The following TET1 variants were observed in gnomAD, a reference collection of about 807,000 sequenced individuals.
TET1 encodes methylcytosine dioxygenase TET1.
Under a neutral mutation model 148.7 loss-of-function variants are expected in TET1, and 13 were observed. The ratio of observed to expected loss-of-function variants is 0.09; its 90% confidence interval spans 0.06 to 0.14. The LOEUF (loss-of-function observed/expected upper bound fraction) is 0.14, where lower values mean the gene tolerates loss of function less well. TET1 is among the 10% of genes least tolerant of loss of function. TET1 has a pLI of 1.00. For missense variants in TET1, 2,182 were observed against 2,553.8 expected (o/e 0.85, Z 3.14); for synonymous variants, 907 against 937.2 (o/e 0.97, Z 0.59).
chr10:68,675,120 T>G (rs907953124), intron 8 of TET1: 1 of 441,992 alleles, frequency 2.3e-6, no homozygotes, highest in Non-Finnish European at 3.9e-6. Flanking sequence ...TTCAGACTTA[T>G]AGTAGTGGCA....
intron 6 of TET1, among the ~76,000 whole-genome samples, chr10:68,656,877 T>A (rs1270106206): frequency 1.3e-5 from 2 of 151,782 alleles, no homozygotes; most frequent in Non-Finnish European, 2.9e-5. Context: ...ATACAAAAAA[T>A]TAGCCAGACA....
intron 4 of TET1, among the ~76,000 whole-genome samples, chr10:68,647,222 G>C (rs746410495): frequency 2.0e-5 from 3 of 152,136 alleles, no homozygotes; most frequent in Non-Finnish European, 4.4e-5. Flanking sequence ...AAACAAACTT[G>C]GAAAAGGTAA....
chr10:68,622,271 TC>T (rs541060518), intron 3 of TET1, among the ~76,000 whole-genome samples: 3 of 139,034 alleles, frequency 2.2e-5, no homozygotes, highest in Non-Finnish European at 4.6e-5. Context: ...CTCTCCCTCT[TC>T]CCTCTTTGGA....
intron 2 of TET1, among the ~76,000 whole-genome samples, chr10:68,582,252 A>G (rs959423712): frequency 6.6e-6 from 1 of 152,160 alleles, no homozygotes; most frequent in African/African-American, 2.4e-5. Flanking sequence ...GGCATGCACC[A>G]CTACGCCTGG....
chr10:68,632,852 A>G (rs939320429), intron 3 of TET1: 53 of 583,276 alleles, frequency 9.1e-5, no homozygotes, highest in East Asian at 1.5e-4. Context: ...AAAAAAAAAA[A>G]GAAAGAAAAC....
At chr10:68,618,198 T>C (rs933045705) in intron 3 of TET1, among the ~76,000 whole-genome samples, 2 of 152,164 alleles carry the variant, frequency 1.3e-5, no homozygotes, top group African/African-American at 4.8e-5. Context: ...ACTCATGAAA[T>C]CTAGTTTATA....
chr10:68,566,218 CT>C (rs1229125410), intron 1 of TET1, among the ~76,000 whole-genome samples: 1 of 152,252 alleles, frequency 6.6e-6, no homozygotes, highest in East Asian at 1.9e-4. Context: ...TTTACAATGA[CT>C]AGATTATATA....
At position 68,654,065 on chromosome 10, in the gene TET1, CCACTG is replaced by C. The variant is rs1221135928; in HGVS notation, c.4461+1476_4461+1480del. Among the ~76,000 whole-genome samples, 27 of 134,400 alleles carry C rather than the reference CCACTG, an allele frequency of 2.0e-4. No individual in the cohort carries two copies. In the Admixed American group the frequency reaches 2.3e-3, roughly 12 times the overall value. The allele number at this position is 134,400 out of a possible 152,430, so 88.2% of individuals were successfully genotyped here. On this transcript the variant is annotated intron_variant, in intron 6 of 11. Transcript: ENST00000373644. ...GAGGTTGTAGTGAGCCAAGATCGGG[CCACTG>C]CACTCCAGCCTGGGCAACAAGAGCA...
At chr10:68,671,769 G>GTTTTGT (rs539861971) in intron 7 of TET1, among the ~76,000 whole-genome samples, 139 of 152,174 alleles carry the variant, frequency 9.1e-4, no homozygotes, top group Non-Finnish European at 1.6e-3. Flanking sequence ...TTCAGAAACT[G>GTTTTGT]TTTTGTTTTT....
intron 3 of TET1, among the ~76,000 whole-genome samples, chr10:68,607,773 CAT>C (rs578195881): frequency 1.4e-5 from 2 of 147,246 alleles, no homozygotes; most frequent in East Asian, 2.0e-4. Context: ...CAATGTCATT[CAT>C]ATATATATAT....
intron 2 of TET1, among the ~76,000 whole-genome samples, chr10:68,582,266 AT>A (rs1445795138): frequency 2.0e-5 from 3 of 151,910 alleles, no homozygotes; most frequent in Non-Finnish European, 2.9e-5. Flanking sequence ...CGCCTGGCTA[AT>A]TTTGTATTTT....
At chr10:68,628,437 T>C (rs915826539) in intron 3 of TET1, among the ~76,000 whole-genome samples, 45 of 152,240 alleles carry the variant, frequency 3.0e-4, no homozygotes, top group African/African-American at 9.2e-4. Flanking sequence ...ATTATCAAAG[T>C]TCATCCTTAG....
At chr10:68,661,032 T>C (rs988300935) in intron 6 of TET1, among the ~76,000 whole-genome samples, 1 of 151,148 alleles carries the variant, frequency 6.6e-6, no homozygotes, top group Non-Finnish European at 1.5e-5. Flanking sequence ...TTTTTGTTTT[T>C]GTTTTTGTTT....
At chr10:68,598,700 CTTTTT>C (rs36067164) in intron 2 of TET1, among the ~76,000 whole-genome samples, 2 of 129,900 alleles carry the variant, frequency 1.5e-5, no homozygotes, top group African/African-American at 2.9e-5. Flanking sequence ...CTTTTTCTTT[CTTTTT>C]TTTTTTTTTT....
intron 3 of TET1, among the ~76,000 whole-genome samples, chr10:68,608,852 TA>T (rs916414716): frequency 2.2e-4 from 33 of 151,990 alleles, no homozygotes; most frequent in Admixed American, 8.5e-4. Flanking sequence ...ATTTTTTAAT[TA>T]AAAAAAAATT....
chr10:68,691,476 C>A lies in TET1; in HGVS notation c.6073C>A (p.Arg2025=), dbSNP rs368275418. ...CTCGGTTTTGATTGAGTGTGCCCGG[C>A]GAGAGCTGCACGCTACCACTCCTGT... ...HGSVLIECAR[R]ELHATTPVEH... The change falls in exon 12 of 12, where the codon CGA becomes AGA. Residue 2025 remains arginine (R), a synonymous_variant. Transcript: ENST00000373644. This position sits in a 1 kb window ranked among gnomAD's most constrained non-coding sequence, Gnocchi z 4.4. 1 of 1,613,992 alleles carries A rather than the reference C, an allele frequency of 6.2e-7. No homozygotes were observed. Among genetic ancestry groups the A allele is most frequent in the Non-Finnish European group, 8.5e-7 (1 of 1,180,008 alleles).
chr10:68,599,144 A>T (rs1373933221), intron 2 of TET1, among the ~76,000 whole-genome samples: 1 of 152,258 alleles, frequency 6.6e-6, no homozygotes, highest in African/African-American at 2.4e-5. Flanking sequence ...ATTAAGGGTG[A>T]TGAAATGCAG....
intron 8 of TET1, among the ~76,000 whole-genome samples, chr10:68,675,320 G>A (rs1164647215): frequency 6.6e-6 from 1 of 152,158 alleles, no homozygotes; most frequent in Non-Finnish European, 1.5e-5. Flanking sequence ...CACTAAGAAG[G>A]ATAAGATGTC....
At chr10:68,655,824 T>C (rs1033938249) in intron 6 of TET1, among the ~76,000 whole-genome samples, 1 of 152,162 alleles carries the variant, frequency 6.6e-6, no homozygotes, top group Non-Finnish European at 1.5e-5. Context: ...CTCCAACCCC[T>C]GAGCCATGGG....
Sources: gnomAD v4.1 joint callset for allele counts (sites outside exome capture counted in the v4.1 genomes callset) on GRCh38, gnomAD v4.1.1 for gene constraint, Gnocchi (gnomAD v3.1) non-coding constraint, MANE v1.5 for transcripts, NCBI Gene and HGNC (gene_info 2026-07-23, HGNC 2026-07-21) for gene names.